ASCC3: variants seen among roughly 807,000 people sequenced by gnomAD.
The protein encoded by ASCC3 is ASC-1 complex subunit P200.
ASCC3 carries 158 observed loss-of-function variants against 256.3 expected under a neutral mutation model. The observed-to-expected ratio is 0.62, with a 90% CI of 0.54 to 0.70. The LOEUF is 0.70. ASCC3 is among the 30% of genes least tolerant of loss of function. ASCC3 has a pLI of 0.00. For synonymous variants in ASCC3, 948 were observed against 883.4 expected, an observed-to-expected ratio of 1.07 and a Z score of -1.30; for missense variants, 2,259 against 2,626.0, an observed-to-expected ratio of 0.86 and a Z score of 3.05.
intron 39 of ASCC3, among the ~76,000 whole-genome samples, chr6:100,514,535 A>T (rs915641376): frequency 6.6e-6 from 1 of 152,052 alleles, no homozygotes; most frequent in African/African-American, 2.4e-5. Flanking sequence ...TCTGGCTTTT[A>T]TATATATGTA....
chr6:100,594,726 T>A (rs1772193141), intron 34 of ASCC3, among the ~76,000 whole-genome samples: 1 of 152,128 alleles, frequency 6.6e-6, no homozygotes, highest in Non-Finnish European at 1.5e-5. Context: ...AAGAGACGTC[T>A]GCACTCCTAT....
At chr6:100,613,301 A>G (rs894708778) in intron 30 of ASCC3, among the ~76,000 whole-genome samples, 3 of 151,798 alleles carry the variant, frequency 2.0e-5, no homozygotes, top group South Asian at 4.2e-4. Context: ...CTCTCCATCC[A>G]TTTGTATAAA....
intron 30 of ASCC3, among the ~76,000 whole-genome samples, chr6:100,618,209 G>C (rs913236280): frequency 1.3e-5 from 2 of 152,106 alleles, no homozygotes; most frequent in African/African-American, 4.8e-5. Context: ...GAAAACTGTT[G>C]ATCATAAACT....
Position 100,793,378 on chromosome 6 carries a change from T to C in ASCC3, c.1395+5335A>G. 1.3e-5 allele frequency among the ~76,000 whole-genome samples: 2 copies of C among 151,966 alleles called. 1 individual carries two copies. The highest frequency in any genetic ancestry group is 2.9e-5 in the Non-Finnish European group (2 of 67,936). ...ACAATGAAATGTCACTAAAACCTGG[T>C]CATGCCCCAAATTAAAAAGCCTTTT... On this transcript the variant is annotated intron_variant, in intron 8 of 41. Transcript: ENST00000369162.
At chr6:100,839,961 C>T (rs1772058339) in intron 4 of ASCC3, among the ~76,000 whole-genome samples, 1 of 152,150 alleles carries the variant, frequency 6.6e-6, no homozygotes, top group Non-Finnish European at 1.5e-5. Flanking sequence ...TCTGTAATAG[C>T]AGATAAATTA....
intron 36 of ASCC3, among the ~76,000 whole-genome samples, chr6:100,572,645 GATAAAC>G (rs1770653949): frequency 1.3e-5 from 2 of 152,058 alleles, no homozygotes; most frequent in African/African-American, 4.8e-5. Context: ...AAAGCAAGGA[GATAAAC>G]ATAATGACTT....
chr6:100,840,198 C>T (rs1772069539), intron 4 of ASCC3, among the ~76,000 whole-genome samples: 1 of 152,156 alleles, frequency 6.6e-6, no homozygotes, highest in African/African-American at 2.4e-5. Context: ...AAATTAAAGA[C>T]AGACAAAAGA....
chr6:100,767,958 T>G (rs1193927454), intron 8 of ASCC3, among the ~76,000 whole-genome samples: 3 of 152,066 alleles, frequency 2.0e-5, no homozygotes, highest in Non-Finnish European at 4.4e-5. Flanking sequence ...ATTAGTAATG[T>G]AAGAAAACAA....
In ASCC3 at chr6:100,540,236, C is replaced by G. The variant is rs369100983; in HGVS notation, c.5702G>C (p.Arg1901Pro). ...AHLLLQAHLS[R>P]AMLPCPDYDT... ...ATAATCTGGGCAGGGTAGCATGGCT[C>G]GGCTGAGATGTGCCTGTAGCAGGAG... Residue 1901 changes from arginine to proline, a missense_variant, in exon 37 of 42, where the codon CGA (arginine) becomes CCA (proline). This residue lies in a region of ASCC3 where 1,839 missense variants were observed against 2,206.7 expected (regional missense o/e 0.83). Coordinates refer to ENST00000369162, the MANE Select transcript of ASCC3 (RefSeq NM_006828.4). 6.2e-7 allele frequency: 1 copy of G among 1,614,042 alleles called. No homozygotes were observed. The highest frequency in any genetic ancestry group is 1.7e-5 in the Admixed American group (1 of 60,000).
intron 13 of ASCC3, among the ~76,000 whole-genome samples, chr6:100,688,855 A>G (rs1356273709): frequency 6.6e-6 from 1 of 152,198 alleles, no homozygotes; most frequent in Non-Finnish European, 1.5e-5. Flanking sequence ...ATGAACAACT[A>G]TAGGAGGAAG....
chr6:100,862,194 C>A (rs1451932829), intron 3 of ASCC3, among the ~76,000 whole-genome samples: 1 of 152,136 alleles, frequency 6.6e-6, no homozygotes, highest in Non-Finnish European at 1.5e-5. Context: ...CCTCTGTATT[C>A]TTAAAATATA....
intron 4 of ASCC3, among the ~76,000 whole-genome samples, chr6:100,807,882 G>A (rs909840195): frequency 1.3e-5 from 2 of 151,852 alleles, no homozygotes; most frequent in Admixed American, 6.6e-5. Flanking sequence ...ATAAAAGTAT[G>A]TATAAAATTG....
intron 36 of ASCC3, among the ~76,000 whole-genome samples, chr6:100,574,460 T>C (rs1770757462): frequency 6.6e-6 from 1 of 152,082 alleles, no homozygotes; most frequent in South Asian, 2.1e-4. Flanking sequence ...TATTTTTCCA[T>C]AGTAGTTGTG....
intron 18 of ASCC3, among the ~76,000 whole-genome samples, chr6:100,652,436 TG>T (rs1383421470): frequency 6.6e-5 from 10 of 152,134 alleles, no homozygotes; most frequent in African/African-American, 2.4e-4. Context: ...AGTAAGCACA[TG>T]AGGTGTTTTC....
intron 36 of ASCC3, among the ~76,000 whole-genome samples, chr6:100,545,908 T>C (rs1331219104): frequency 1.3e-5 from 2 of 152,126 alleles, no homozygotes; most frequent in Non-Finnish European, 2.9e-5. Context: ...TTCAACACTG[T>C]ACCACAGGTT....
chr6:100,698,168 C>A (rs1379457717), intron 13 of ASCC3, among the ~76,000 whole-genome samples: 1 of 152,012 alleles, frequency 6.6e-6, no homozygotes, highest in Non-Finnish European at 1.5e-5. Flanking sequence ...AACTCATTAG[C>A]CTTTTCTTTT....
chr6:100,601,721 T>C (rs1227311190), intron 34 of ASCC3, 89 bp downstream of exon 34: 1 of 1,503,986 alleles, frequency 6.6e-7, no homozygotes, highest in Admixed American at 1.8e-5. Flanking sequence ...CTGCCTTTTT[T>C]GTATGTACCT....
intron 37 of ASCC3, among the ~76,000 whole-genome samples, chr6:100,533,682 T>C (rs1300953567): frequency 1.3e-5 from 2 of 152,230 alleles, no homozygotes; most frequent in African/African-American, 2.4e-5. Flanking sequence ...ATAACACATA[T>C]GAAAGCTCAA....
intron 10 of ASCC3, among the ~76,000 whole-genome samples, chr6:100,740,444 C>G (rs1370831909): frequency 6.6e-6 from 1 of 152,052 alleles, no homozygotes; most frequent in East Asian, 1.9e-4. Flanking sequence ...AGATATCTAT[C>G]TGGTCCACTT....
Sources: allele counts gnomAD v4.1 joint callset (sites outside exome capture counted in the v4.1 genomes callset), GRCh38; gene constraint gnomAD v4.1.1; regional missense constraint gnomAD v4.1.1; transcripts MANE v1.5; gene names NCBI Gene and HGNC (gene_info 2026-07-23, HGNC 2026-07-21).